RANBP2: variants seen among roughly 807,000 people sequenced by gnomAD.
RANBP2 encodes E3 SUMO-protein ligase RanBP2.
In RANBP2, 57 loss-of-function variants were observed where a neutral mutation model predicts 303.6. The observed-to-expected ratio is 0.19, with a 90% CI of 0.15 to 0.23. The LOEUF (loss-of-function observed/expected upper bound fraction) is 0.23. Among genes scored for constraint, RANBP2 ranks in the 10% least tolerant of loss-of-function variants. RANBP2 has a pLI of 1.00. For missense variants in RANBP2, 3,138 were observed against 3,780.8 expected, an observed-to-expected ratio of 0.83 and a Z score of 4.46; for synonymous variants, 1,167 against 1,301.5, an observed-to-expected ratio of 0.90 and a Z score of 2.23.
intron 1 of RANBP2, among the ~76,000 whole-genome samples, chr2:108,727,802 C>T (rs1285890653): frequency 7.9e-5 from 12 of 152,032 alleles, no homozygotes; most frequent in Admixed American, 5.3e-4. Context: ...GAGGTTTCTG[C>T]ATGTTGGCCA....
chr2:109,140,420 C>T, the RANBP2 span, among the ~76,000 whole-genome samples: 1 of 151,878 alleles, frequency 6.6e-6, no homozygotes, highest in Non-Finnish European at 1.5e-5. Context: ...TTGCTCTGTC[C>T]CCTAGGCTGG....
At chr2:109,288,925 A>T in the RANBP2 span, among the ~76,000 whole-genome samples, 5 of 152,104 alleles carry the variant, frequency 3.3e-5, no homozygotes, top group South Asian at 2.1e-4. Context: ...TTGCATCTTG[A>T]CTCCAACCCA....
chr2:108,725,814 T>TA (rs1694655788), intron 1 of RANBP2, among the ~76,000 whole-genome samples: 1 of 151,542 alleles, frequency 6.6e-6, no homozygotes, highest in African/African-American at 2.4e-5. Context: ...AAGATTGCTG[T>TA]AGTTCTTTTT....
chr2:108,879,526 G>A, the RANBP2 span, among the ~76,000 whole-genome samples: 2 of 152,140 alleles, frequency 1.3e-5, no homozygotes, highest in Non-Finnish European at 1.5e-5. Context: ...AACTGCATAT[G>A]ACAGAAACAT....
At chr2:108,929,403 G>T in the RANBP2 span, 3 of 1,613,104 alleles carry the variant, frequency 1.9e-6, no homozygotes, top group Non-Finnish European at 2.5e-6. Flanking sequence ...GAGGACAGGG[G>T]ACACAGGTGA....
At chr2:108,809,842 G>A in the RANBP2 span, among the ~76,000 whole-genome samples, 1 of 152,060 alleles carries the variant, frequency 6.6e-6, no homozygotes, top group African/African-American at 2.4e-5. Flanking sequence ...GTCTCACTCT[G>A]TCGCCCAGGC....
At chr2:108,751,847 T>A in intron 11 of RANBP2, 24 bp from the exon 12 acceptor site, 1 of 1,612,030 alleles carries the variant, frequency 6.2e-7, no homozygotes, top group African/African-American at 1.3e-5. Context: ...GAAAGCAATT[T>A]TAGTAAATTG....
the RANBP2 span, among the ~76,000 whole-genome samples, chr2:109,086,697 C>T: frequency 6.6e-6 from 1 of 152,156 alleles, no homozygotes; most frequent in Non-Finnish European, 1.5e-5. Context: ...TGCTGTGGGA[C>T]AACACCATGA....
At chr2:109,646,657 A>ATTTTTTTTTTT in the RANBP2 span, among the ~76,000 whole-genome samples, 26 of 119,010 alleles carry the variant, frequency 2.2e-4, no homozygotes, top group African/African-American at 6.4e-4. Flanking sequence ...ATGACTGGCT[A>ATTTTTTTTTTT]TTTTTTTTTT....
At chr2:109,388,886 T>C in the RANBP2 span, among the ~76,000 whole-genome samples, 3 of 152,234 alleles carry the variant, frequency 2.0e-5, no homozygotes, top group East Asian at 5.8e-4. Context: ...GCTTGCCACC[T>C]GGAGGCTTTC....
At chr2:109,659,217 A>G in the RANBP2 span, among the ~76,000 whole-genome samples, 5 of 151,972 alleles carry the variant, frequency 3.3e-5, no homozygotes, top group African/African-American at 9.7e-5. Flanking sequence ...TCTCTACTAA[A>G]AGTACAAAAA....
the RANBP2 span, among the ~76,000 whole-genome samples, chr2:108,900,383 C>T: frequency 1.3e-5 from 2 of 152,066 alleles, no homozygotes; most frequent in African/African-American, 4.8e-5. Flanking sequence ...CGGTGAAACC[C>T]TGTTTCTACT....
the RANBP2 span, among the ~76,000 whole-genome samples, chr2:109,230,066 C>T: frequency 0.3 from 44,800 of 151,730 alleles, 7,580 homozygotes; most frequent in Non-Finnish European, 0.39. Context: ...CTTCGTGATC[C>T]GCCCGCCTCA....
chr2:108,824,170 ATT>A, the RANBP2 span, among the ~76,000 whole-genome samples: 286 of 151,850 alleles, frequency 1.9e-3, 3 homozygotes, highest in African/African-American at 6.7e-3. Context: ...AGAAAAAAAA[ATT>A]TTTTCTTCAT....
the RANBP2 span, among the ~76,000 whole-genome samples, chr2:109,076,193 AT>A: frequency 6.6e-6 from 1 of 150,748 alleles, no homozygotes; most frequent in Non-Finnish European, 1.5e-5. Context: ...TTAAAAAAAA[AT>A]GACCATCTCA....
the RANBP2 span, among the ~76,000 whole-genome samples, chr2:109,243,779 A>G: frequency 6.6e-6 from 1 of 152,198 alleles, no homozygotes; most frequent in Admixed American, 6.5e-5. Flanking sequence ...AATCCAGGAA[A>G]GGAGTTTGGG....
At chr2:109,386,314 T>G in the RANBP2 span, among the ~76,000 whole-genome samples, 2 of 152,168 alleles carry the variant, frequency 1.3e-5, no homozygotes, top group African/African-American at 2.4e-5. Context: ...GGTGACATTG[T>G]GTGGCTTCTG....
the RANBP2 span, among the ~76,000 whole-genome samples, chr2:108,807,416 GTACAGTGATATTTGA>G: frequency 5.3e-5 from 8 of 152,126 alleles, no homozygotes; most frequent in African/African-American, 1.7e-4. Flanking sequence ...TAATTATGGG[GTACAGTGATATTTGA>G]TACAGTAATG....
the RANBP2 span, among the ~76,000 whole-genome samples, chr2:109,090,310 T>TCACACA: frequency 1.1e-3 from 121 of 109,740 alleles, 1 homozygote; most frequent in African/African-American, 4.3e-3. Flanking sequence ...ACACCTCGCC[T>TCACACA]CACACACACA....
Sources: gnomAD v4.1 joint callset for allele counts (sites outside exome capture counted in the v4.1 genomes callset) on GRCh38, gnomAD v4.1.1 for gene constraint, MANE v1.5 for transcripts, NCBI Gene and HGNC (gene_info 2026-07-23, HGNC 2026-07-21) for gene names.